The following TMEM210 variants were observed in gnomAD, a reference collection of about 807,000 sequenced individuals.
TMEM210 encodes the protein transmembrane protein 210.
TMEM210 carries 7 observed loss-of-function variants against 10.3 expected under a neutral mutation model. The ratio of observed to expected loss-of-function variants is 0.68; its 90% CI spans 0.39 to 1.28. The LOEUF (loss-of-function observed/expected upper bound fraction) is 1.28. Among genes scored for constraint, TMEM210 ranks in the 50% most tolerant of loss-of-function variants. The pLI is 0.01. For missense variants in TMEM210, 185 were observed against 197.8 expected (o/e 0.94, Z 0.39); for synonymous variants, 79 against 81.2 (o/e 0.97, Z 0.14).
intron 3 of TMEM210, 109 bp from the exon 4 acceptor site, chr9:137,171,273 ACCTCCTCTTCCAGGGACAGCACC>A (rs1344891410): frequency 6.7e-5 from 98 of 1,472,218 alleles, no homozygotes; most frequent in South Asian, 8.7e-5. Context: ...GGGACAGCAC[ACCTCCTCTTCCAGGGACAGCACC>A]CCTCCTCCTC....
At position 137,171,479 on chromosome 9, in the gene TMEM210, G is replaced by A; in HGVS notation, c.225-36C>T. ...GAAGGCCAACATGAGTCCTGGAACAGTGCTGGGCCCCCGGAGCTCCCCCAG... is the reference window on the plus strand; with the variant it reads ...GAAGGCCAACATGAGTCCTGGAACAATGCTGGGCCCCCGGAGCTCCCCCAG... On this transcript the variant is annotated intron_variant, in intron 2 of 3. Coordinates refer to ENST00000413619, the MANE Select transcript of TMEM210 (RefSeq NM_001282477.2). 8 of 1,535,462 alleles carry A rather than the reference G, an allele frequency of 5.2e-6. No homozygotes were observed. In the South Asian group the frequency reaches 7.1e-5, roughly 14 times the overall value.
chr9:137,171,776 G>C lies in TMEM210; in HGVS notation c.89C>G (p.Ala30Gly), dbSNP rs777511795. The C allele has an allele frequency of 6.5e-7, 1 of 1,529,130 alleles. No homozygotes were observed. Among genetic ancestry groups the C allele is most frequent in the Non-Finnish European group, 8.8e-7 (1 of 1,142,792 alleles). The allele number at this position is 1,529,130 out of a possible 1,614,324, so 94.7% of individuals were successfully genotyped here. ...YLSLLLIPAA[A>G]GTYCECSLGL... ...AAGGCTGCATTCACAGTAGGTTCCA[G>C]CTGCAGAGACAGGGCCACATGGCCA... Residue 30 changes from alanine (A) to glycine (G), a missense_variant and splice_region_variant, in exon 2 of 4, where the codon GCT (alanine) becomes GGT (glycine). Transcript: ENST00000413619.
chr9:137,172,047 G>A lies in TMEM210; in HGVS notation c.-20C>T. The A allele has an allele frequency of 1.5e-6, 2 of 1,374,444 alleles. No individual in the cohort carries two copies. Among genetic ancestry groups the A allele is most frequent in the East Asian group, 2.8e-5 (1 of 36,328 alleles). The allele number at this position is 1,374,444 out of a possible 1,614,324, so 85.1% of individuals were successfully genotyped here. A position where few individuals can be genotyped will look rare whatever the true frequency, so the allele number is the denominator to read the frequency against. ...GGCCATGTCCAGCCCTGGCCCCACT[G>A]CACACCTCTGACGGAACTGTTGGAA... On this transcript the variant is annotated 5_prime_UTR_variant, in exon 1 of 4. Transcript: ENST00000413619.
chr9:137,171,907 C>G, intron 1 of TMEM210, 33 bp downstream of exon 1: 1 of 1,435,084 alleles, frequency 7.0e-7, no homozygotes, highest in Non-Finnish European at 9.1e-7. Flanking sequence ...GGAGCCATGG[C>G]TGGGAGTGGA....
Position 137,171,920 on chromosome 9 carries a change from G to A in TMEM210, c.88+20C>T. ...GGGGAGCCATGGCTGGGAGTGGAGT[G>A]CGGGGGCAGGAGGAGGCACCTGCAG... On this transcript the variant is annotated intron_variant, in intron 1 of 3. Transcript: ENST00000413619. 2.1e-6 allele frequency: 3 copies of A among 1,434,744 alleles called. No individual in the cohort carries two copies. Among genetic ancestry groups the A allele is most frequent in the South Asian group, 3.0e-5 (2 of 67,694 alleles). The allele number at this position is 1,434,744 out of a possible 1,614,324, so 88.9% of individuals were successfully genotyped here.
rs1002712150 is a variant in TMEM210 at position 137,171,930 on chromosome 9, G to A, written c.88+10C>T. ...GGCTGGGAGTGGAGTGCGGGGGCAG[G>A]AGGAGGCACCTGCAGCAGGGATGAG... is the stretch of plus-strand genomic sequence containing the variant. On this transcript the variant is annotated intron_variant, in intron 1 of 3. Transcript: ENST00000413619. The A allele has an allele frequency of 2.1e-6, 3 of 1,433,628 alleles. No individual in the cohort carries two copies. The highest frequency in any genetic ancestry group is 2.9e-5 in the Admixed American group (1 of 34,586). 88.8% of individuals were successfully genotyped at this position (1,433,628 alleles called of 1,614,324 possible). A position where few individuals can be genotyped will look rare whatever the true frequency, so the allele number is the denominator to read the frequency against.
rs1041617367 is a variant in TMEM210, at chr9:137,170,939, C to A, written c.*36G>T. On this transcript the variant is annotated 3_prime_UTR_variant, in exon 4 of 4. Transcript: ENST00000413619. Reference sequence around the variant, plus strand: ...GAGGACAGTGCACAGCCACTAAATACGCTTTAATTCCCCTCCCCCAGCTGC... The same window carrying A: ...GAGGACAGTGCACAGCCACTAAATAAGCTTTAATTCCCCTCCCCCAGCTGC... 6.6e-7 allele frequency: 1 copy of A among 1,515,566 alleles called. No individual in the cohort carries two copies. Among genetic ancestry groups the A allele is most frequent in the Non-Finnish European group, 8.8e-7 (1 of 1,134,962 alleles). 93.9% of individuals were successfully genotyped at this position (1,515,566 alleles called of 1,614,324 possible).
Position 137,171,115 on chromosome 9 carries a change from C to G in TMEM210, c.304G>C (p.Val102Leu). 1 of 1,535,386 alleles carries G rather than the reference C, an allele frequency of 6.5e-7. No individual in the cohort carries two copies. Among genetic ancestry groups the G allele is most frequent in the Non-Finnish European group, 8.7e-7 (1 of 1,146,532 alleles). ...TCCATTAGCTGGGACTCCACGTAAA[C>G]CGGGTGCAGGTCCATGAGATCTTCC... The part of the protein sequence containing the change: ...VQEDLMDLHP[V>L]YVESQLMDAD... The change falls in exon 4 of 4, where the codon GTT (valine) becomes CTT (leucine). Residue 102 changes from valine to leucine, a missense_variant. Coordinates refer to ENST00000413619, the MANE Select transcript of TMEM210 (RefSeq NM_001282477.2).
rs1246191265 is a variant in TMEM210 at position 137,171,014 on chromosome 9, TGAA to T, written c.402_404del (p.Ser135del). The T allele has an allele frequency of 7.8e-6, 12 of 1,535,016 alleles. No individual in the cohort carries two copies. Among genetic ancestry groups the T allele is most frequent in the Non-Finnish European group, 1.0e-5 (12 of 1,146,450 alleles). On this transcript the variant is annotated inframe_deletion, in exon 4 of 4. Transcript: ENST00000413619. ...GGGGCGGGGGTGGTGGCGGCTCCTC[TGAA>T]GAAGCCTCCATGGGGATGGCCACAA... is the stretch of plus-strand genomic sequence containing the variant.
In TMEM210 at chr9:137,171,690, A is replaced by T; in HGVS notation, c.175T>A (p.Cys59Ser). The T allele has an allele frequency of 6.5e-7, 1 of 1,535,576 alleles. No homozygotes were observed. Among genetic ancestry groups the T allele is most frequent in the South Asian group, 1.2e-5 (1 of 84,026 alleles). The change falls in exon 2 of 4, where the codon TGC becomes AGC. Residue 59 changes from cysteine (C) to serine (S), a missense_variant. Cys to Ser is a moderately radical substitution (Grantham distance 112, BLOSUM62 -1). Transcript: ENST00000413619. ...LVVLAGISAS[C>S]FCALVIVAIG... Reference sequence around the variant, plus strand: ...GCCACGATGACGAGGGCACAGAAGCAGCTGGCACTGATGCCCGCCAGCACC... The same window carrying T: ...GCCACGATGACGAGGGCACAGAAGCTGCTGGCACTGATGCCCGCCAGCACC...
At position 137,171,168 on chromosome 9, in the gene TMEM210, C is replaced by CA; in HGVS notation, c.255-5dup. ...GACCCCAAAATTCTCCACCAACCTG[C>CA]ATGACGGGCCGGGTCATCACGAGCT... On this transcript the variant is annotated splice_polypyrimidine_tract_variant and splice_region_variant and intron_variant, in intron 3 of 3. Transcript: ENST00000413619. 1 of 1,533,984 alleles carries CA rather than the reference C, an allele frequency of 6.5e-7. No individual in the cohort carries two copies.
chr9:137,171,758 C>T lies in TMEM210; in HGVS notation c.107G>A (p.Cys36Tyr), dbSNP rs1834113844. The change falls in exon 2 of 4, where the codon TGC becomes TAC. Residue 36 changes from cysteine to tyrosine, a missense_variant. Coordinates refer to ENST00000413619, the MANE Select transcript of TMEM210 (RefSeq NM_001282477.2). ...GGCCTCGCGGCTGAGGCCAAGGCTG[C>T]ATTCACAGTAGGTTCCAGCTGCAGA... ...IPAAAGTYCE[C>Y]SLGLSREALI... 6.5e-7 allele frequency: 1 copy of T among 1,533,224 alleles called. No homozygotes were observed. Among genetic ancestry groups the T allele is most frequent in the Non-Finnish European group, 8.7e-7 (1 of 1,145,332 alleles). The allele number at this position is 1,533,224 out of a possible 1,614,324, so 95.0% of individuals were successfully genotyped here.
rs535679662 is a variant in TMEM210, at chr9:137,171,431, C to T, written c.237G>A (p.Pro79=). 455 of 1,535,600 alleles carry T rather than the reference C, an allele frequency of 3.0e-4. No individual in the cohort carries two copies. The highest frequency in any genetic ancestry group is 1.2e-3 in the African/African-American group (88 of 73,126). ...GTGCTCACCTGTTGTCCACTTGTCT[C>T]GGGCATGTTTCACTGAGGGGACGAA... ...GVLRAKGETC[P]RQVDNRLVEN... Residue 79 remains proline (P), a synonymous_variant, in exon 3 of 4, where the codon CCG becomes CCA. Transcript: ENST00000413619.
chr9:137,171,619 C>A, intron 2 of TMEM210, 22 bp downstream of exon 2: 1 of 1,529,992 alleles, frequency 6.5e-7, no homozygotes, highest in Non-Finnish European at 8.8e-7. Context: ...CCCATCCTCT[C>A]CCGGCCCCAG....
intron 2 of TMEM210, 59 bp downstream of exon 2, chr9:137,171,582 G>A: frequency 6.5e-7 from 1 of 1,527,464 alleles, no homozygotes; most frequent in Non-Finnish European, 8.8e-7. Flanking sequence ...AAGACCAAGG[G>A]CCCAGGGCAG....
intron 1 of TMEM210, 39 bp from the exon 2 acceptor site, chr9:137,171,815 T>C: frequency 6.7e-7 from 1 of 1,484,888 alleles, no homozygotes; most frequent in African/African-American, 1.4e-5. Flanking sequence ...GCCGGTCACC[T>C]GCCTGCAGAG....
At position 137,170,919 on chromosome 9, in the gene TMEM210, C is replaced by T. The variant is rs1410907281; in HGVS notation, c.*56G>A. 2.0e-6 allele frequency: 3 copies of T among 1,482,288 alleles called. No homozygotes were observed. The highest frequency in any genetic ancestry group is 2.7e-6 in the Non-Finnish European group (3 of 1,114,018). 91.8% of individuals were successfully genotyped at this position (1,482,288 alleles called of 1,614,324 possible). The stretch of plus-strand genomic sequence containing the variant: ...CCCTCAGGAGGGCCTGCAGGGAGGA[C>T]AGTGCACAGCCACTAAATACGCTTT... On this transcript the variant is annotated 3_prime_UTR_variant, in exon 4 of 4. Transcript: ENST00000413619.
rs964066332 is a variant in TMEM210 at position 137,171,082 on chromosome 9, G to C, written c.337C>G (p.Leu113Val). The change falls in exon 4 of 4, where the codon CTG becomes GTG. Residue 113 changes from leucine to valine, a missense_variant. Physicochemically the swap from Leu to Val is conservative, Grantham distance 32. Transcript: ENST00000413619. ...AGTGGTGGCACCAGGGAGACCTCCA[G>C]GTCAGCGTCCATTAGCTGGGACTCC... is the stretch of plus-strand genomic sequence containing the variant. ...YVESQLMDAD[L>V]EVSLVPPLED... 5.9e-6 allele frequency: 9 copies of C among 1,535,292 alleles called. No individual in the cohort carries two copies. The African/African-American group carries it at 8.2e-5, about 14-fold the overall frequency.
intron 1 of TMEM210, 45 bp from the exon 2 acceptor site, chr9:137,171,821 C>G: frequency 6.8e-7 from 1 of 1,479,522 alleles, no homozygotes; most frequent in Non-Finnish European, 9.0e-7. Context: ...CACCTGCCTG[C>G]AGAGGGCCCC....
Sources: allele counts gnomAD v4.1 joint callset, GRCh38; gene constraint gnomAD v4.1.1; transcripts MANE v1.5; gene names NCBI Gene and HGNC (gene_info 2026-07-23, HGNC 2026-07-21).